The following LDHAL6B variants were observed in gnomAD, a reference collection of about 807,000 sequenced individuals.
LDHAL6B encodes the protein lactate dehydrogenase A like 6B.
For missense variants in LDHAL6B, 523 were observed against 473.9 expected (o/e 1.10, Z -0.96); for synonymous variants, 205 against 170.6 (o/e 1.20, Z -1.57).
chr15:59,206,850 T>G lies in LDHAL6B; in HGVS notation c.-91T>G, dbSNP rs2079837827. The G allele has an allele frequency of 1.5e-6, 2 of 1,357,094 alleles. No homozygotes were observed. Among genetic ancestry groups the G allele is most frequent in the Admixed American group, 2.3e-5 (1 of 43,906 alleles). The allele number at this position is 1,357,094 out of a possible 1,614,324, so 84.1% of individuals were successfully genotyped here. A position where few individuals can be genotyped will look rare whatever the true frequency, so the allele number is the denominator to read the frequency against. On this transcript the variant is annotated 5_prime_UTR_variant, in exon 1 of 1. Coordinates refer to ENST00000307144, the MANE Select transcript of LDHAL6B (RefSeq NM_033195.3). ...GGCACGCGCACCTGCCGTAGAGTGC[T>G]GAAGGTCCTGCCAACGGCTCTCTTG...
chr15:59,208,123 G>C lies in LDHAL6B; in HGVS notation c.*37G>C, dbSNP rs142608055. 5.4e-4 allele frequency: 811 copies of C among 1,515,006 alleles called. 3 individuals are homozygous for C. In the African/African-American group the frequency reaches 9.9e-3, roughly 18 times the overall value. 93.8% of individuals were successfully genotyped at this position (1,515,006 alleles called of 1,614,324 possible). A position where few individuals can be genotyped will look rare whatever the true frequency, so the allele number is the denominator to read the frequency against. ...ACTACCATTCCGAAATTATTGAAGA[G>C]ATCATAGATACAGGATTATATAACG... On this transcript the variant is annotated 3_prime_UTR_variant, in exon 1 of 1. Transcript: ENST00000307144.
rs1344368457 is a variant in LDHAL6B, at chr15:59,206,971, A to T, written c.31A>T (p.Ser11Cys). Residue 11 changes from serine (S) to cysteine (C), a missense_variant, in exon 1 of 1, where the codon AGC becomes TGC. Physicochemically the swap from Ser to Cys is moderately radical, Grantham distance 112. Transcript: ENST00000307144. ...TTGGACTGTGCCTGTTGTGCGGGCC[A>T]GCCAGAGAGTGAGCTCGGTGGGAGC... MSWTVPVVRASQRVSSVGANF... is the reference protein window; with the variant it reads MSWTVPVVRACQRVSSVGANF... 2.5e-6 allele frequency: 4 copies of T among 1,613,894 alleles called. No homozygotes were observed. The African/African-American group carries it at 5.3e-5, about 22-fold the overall frequency.
chr15:59,207,228 A>G lies in LDHAL6B; in HGVS notation c.288A>G (p.Glu96=). 6.2e-7 allele frequency: 1 copy of G among 1,614,160 alleles called. No homozygotes were observed. Among genetic ancestry groups the G allele is most frequent in the Non-Finnish European group, 8.5e-7 (1 of 1,180,022 alleles). Residue 96 remains glutamate, a synonymous_variant, in exon 1 of 1, where the codon GAA becomes GAG. Transcript: ENST00000307144. ...TCTTATTAAAAGGCTTGAGTGATGA[A>G]CTTGCCCTTGTGGATCTTGATGAAG... ...ISILLKGLSD[E]LALVDLDEDK... is the part of the protein sequence containing the mutation.
rs1267578245 is a variant in LDHAL6B, at chr15:59,208,086, A to C, written c.1146A>C (p.Ter382TyrextTer11). The change falls in exon 1 of 1, where the codon TAA becomes TAC. Residue 382 changes from the stop codon to tyrosine (Y), a stop_lost. Coordinates refer to ENST00000307144, the MANE Select transcript of LDHAL6B (RefSeq NM_033195.3). Reference sequence around the variant, plus strand: ...AAATTCAGAATAAGCTTAAGCTTTAAAGTTGCCTAAAACTACCATTCCGAA... The same window carrying C: ...AAATTCAGAATAAGCTTAAGCTTTACAGTTGCCTAAAACTACCATTCCGAA... ...LWEIQNKLKL[*>Y] The C allele has an allele frequency of 1.3e-6, 2 of 1,559,714 alleles. No homozygotes were observed. The highest frequency in any genetic ancestry group is 1.7e-6 in the Non-Finnish European group (2 of 1,160,734).
rs148651064 is a variant in LDHAL6B, at chr15:59,207,056, A to G, written c.116A>G (p.Asn39Ser). The change falls in exon 1 of 1, where the codon AAC (asparagine) becomes AGC (serine). Residue 39 changes from asparagine to serine, a missense_variant. Coordinates refer to ENST00000307144, the MANE Select transcript of LDHAL6B (RefSeq NM_033195.3). The part of the protein sequence containing the change: ...CPRQATRIPL[N>S]GTWLFTPVSK... ...CGTCAAGCAACGCGCATCCCGCTCA[A>G]CGGCACCTGGCTCTTCACCCCCGTG... 195 of 1,614,148 alleles carry G rather than the reference A, an allele frequency of 1.2e-4. No individual in the cohort carries two copies. The highest frequency in any genetic ancestry group is 3.3e-4 in the Middle Eastern group (2 of 6,062).
Position 59,208,113 on chromosome 15 carries a change from T to C in LDHAL6B, c.*27T>C. On this transcript the variant is annotated 3_prime_UTR_variant, in exon 1 of 1. Transcript: ENST00000307144. ...GTTGCCTAAAACTACCATTCCGAAATTATTGAAGAGATCATAGATACAGGA... is the reference window on the plus strand; with the variant it reads ...GTTGCCTAAAACTACCATTCCGAAACTATTGAAGAGATCATAGATACAGGA... 1 of 1,534,522 alleles carries C rather than the reference T, an allele frequency of 6.5e-7. No homozygotes were observed. Among genetic ancestry groups the C allele is most frequent in the South Asian group, 1.3e-5 (1 of 75,764 alleles).
In LDHAL6B at chr15:59,207,751, A is replaced by G. The variant is rs777971428; in HGVS notation, c.811A>G (p.Lys271Glu). 3 of 1,614,182 alleles carry G rather than the reference A, an allele frequency of 1.9e-6. No individual in the cohort carries two copies. The highest frequency in any genetic ancestry group is 2.5e-6 in the Non-Finnish European group (3 of 1,180,004). ...TCTGAACTCTGATATAGGAACTGAT[A>G]AAGATCCTGAGCAATGGAAAAATGT... is the stretch of plus-strand genomic sequence containing the variant. ...KDLNSDIGTDKDPEQWKNVHK... is the reference protein window; with the variant it reads ...KDLNSDIGTDEDPEQWKNVHK... The change falls in exon 1 of 1, where the codon AAA becomes GAA. Residue 271 changes from lysine to glutamate, a missense_variant. Coordinates refer to ENST00000307144, the MANE Select transcript of LDHAL6B (RefSeq NM_033195.3).
Position 59,207,383 on chromosome 15 carries a change from G to A in LDHAL6B, c.443G>A (p.Arg148His), listed in dbSNP as rs767832876. ...SNLVIITAGA[R>H]QEKGETRLNL... ...CTAGTGATTATCACAGCAGGTGCAC[G>A]CCAAGAAAAGGGAGAAACGCGCCTT... Residue 148 changes from arginine to histidine, a missense_variant, in exon 1 of 1, where the codon CGC becomes CAC. Transcript: ENST00000307144. The A allele has an allele frequency of 1.2e-5, 19 of 1,614,010 alleles. No homozygotes were observed. Among genetic ancestry groups the A allele is most frequent in the South Asian group, 9.9e-5 (9 of 91,082 alleles).
chr15:59,207,102 G>C lies in LDHAL6B; in HGVS notation c.162G>C (p.Lys54Asn). The C allele has an allele frequency of 6.2e-7, 1 of 1,614,252 alleles. No homozygotes were observed. Among genetic ancestry groups the C allele is most frequent in the Non-Finnish European group, 8.5e-7 (1 of 1,180,048 alleles). Reference sequence around the variant, plus strand: ...CCGTGAGCAAGATGGCGACTGTGAAGAGTGAGCTTATTGAGCGTTTCACTT... The same window carrying C: ...CCGTGAGCAAGATGGCGACTGTGAACAGTGAGCTTATTGAGCGTTTCACTT... ...FTPVSKMATV[K>N]SELIERFTSE... Residue 54 changes from lysine to asparagine, a missense_variant, in exon 1 of 1, where the codon AAG becomes AAC. Physicochemically the swap from Lys to Asn is moderately conservative, Grantham distance 94 (BLOSUM62 0). Coordinates refer to ENST00000307144, the MANE Select transcript of LDHAL6B (RefSeq NM_033195.3).
rs763906531 is a variant in LDHAL6B, at chr15:59,206,997, G to C, written c.57G>C (p.Ala19=). ...GCCAGAGAGTGAGCTCGGTGGGAGC[G>C]AATTTCCTATGCCTGGGGATGGCCC... ...RASQRVSSVG[A]NFLCLGMALC... The change falls in exon 1 of 1, where the codon GCG becomes GCC. Residue 19 remains alanine (A), a synonymous_variant. Coordinates refer to ENST00000307144, the MANE Select transcript of LDHAL6B (RefSeq NM_033195.3). 4.3e-6 allele frequency: 7 copies of C among 1,613,840 alleles called. No individual in the cohort carries two copies. The highest frequency in any genetic ancestry group is 1.6e-4 in the Middle Eastern group (1 of 6,084).
rs754711270 is a variant in LDHAL6B, at chr15:59,207,565, G to A, written c.625G>A (p.Gly209Arg). Residue 209 changes from glycine (G) to arginine (R), a missense_variant, in exon 1 of 1, where the codon GGA (glycine) becomes AGA (arginine). Transcript: ENST00000307144. ...TGCATTTCCCAAAAACCGTATTATT[G>A]GAAGCGGCTGTAATCTGGATACTGC... ...LSAFPKNRII[G>R]SGCNLDTARF... 6.2e-7 allele frequency: 1 copy of A among 1,614,076 alleles called. No homozygotes were observed. The highest frequency in any genetic ancestry group is 1.7e-5 in the Admixed American group (1 of 60,016).
Position 59,207,028 on chromosome 15 carries a change from C to A in LDHAL6B, c.88C>A (p.Pro30Thr). The change falls in exon 1 of 1, where the codon CCG becomes ACG. Residue 30 changes from proline (P) to threonine (T), a missense_variant. Physicochemically the swap from Pro to Thr is conservative, Grantham distance 38 (BLOSUM62 -1). Coordinates refer to ENST00000307144, the MANE Select transcript of LDHAL6B (RefSeq NM_033195.3). ...NFLCLGMALC[P>T]RQATRIPLNG... ...CCTATGCCTGGGGATGGCCCTGTGTCCGCGTCAAGCAACGCGCATCCCGCT... is the reference window on the plus strand; with the variant it reads ...CCTATGCCTGGGGATGGCCCTGTGTACGCGTCAAGCAACGCGCATCCCGCT... The A allele has an allele frequency of 6.2e-7, 1 of 1,614,230 alleles. No individual in the cohort carries two copies. The highest frequency in any genetic ancestry group is 8.5e-7 in the Non-Finnish European group (1 of 1,180,018).
Position 59,208,308 on chromosome 15 carries a change from G to A in LDHAL6B, c.*222G>A. On this transcript the variant is annotated 3_prime_UTR_variant, in exon 1 of 1. Transcript: ENST00000307144. ...TATTTTTGGTACCTCTGATGTAGCA[G>A]CACTTGCCATGTTATATATATGTAG... 1.8e-6 allele frequency: 1 copy of A among 567,600 alleles called. No individual in the cohort carries two copies. The highest frequency in any genetic ancestry group is 3.1e-6 in the Non-Finnish European group (1 of 319,904). The allele number at this position is 567,600 out of a possible 1,614,324, so 35.2% of individuals were successfully genotyped here.
Position 59,208,286 on chromosome 15 carries a change from T to C in LDHAL6B, c.*200T>C. ...ATACTTATTTACAATTCCTAAGTAT[T>C]TTTGGTACCTCTGATGTAGCAGCAC... On this transcript the variant is annotated 3_prime_UTR_variant, in exon 1 of 1. Transcript: ENST00000307144. 1.7e-6 allele frequency: 1 copy of C among 590,398 alleles called. No individual in the cohort carries two copies. The allele number at this position is 590,398 out of a possible 1,614,324, so 36.6% of individuals were successfully genotyped here.
Position 59,207,830 on chromosome 15 carries a change from C to G in LDHAL6B, c.890C>G (p.Thr297Ser). 6.2e-7 allele frequency: 1 copy of G among 1,614,198 alleles called. No homozygotes were observed. The highest frequency in any genetic ancestry group is 8.5e-7 in the Non-Finnish European group (1 of 1,180,034). Residue 297 changes from threonine (T) to serine (S), a missense_variant, in exon 1 of 1, where the codon ACT (threonine) becomes AGT (serine). Coordinates refer to ENST00000307144, the MANE Select transcript of LDHAL6B (RefSeq NM_033195.3). ...GAGATTATTAAAATGAAAGGTTATACTTCTTGGGCCATTGGCCTATCTGTG... is the reference window on the plus strand; with the variant it reads ...GAGATTATTAAAATGAAAGGTTATAGTTCTTGGGCCATTGGCCTATCTGTG... ...AYEIIKMKGYTSWAIGLSVAD... is the reference protein window; with the variant it reads ...AYEIIKMKGYSSWAIGLSVAD...
chr15:59,207,329 A>C lies in LDHAL6B; in HGVS notation c.389A>C (p.Lys130Thr). The change falls in exon 1 of 1, where the codon AAA (lysine) becomes ACA (threonine). Residue 130 changes from lysine (K) to threonine (T), a missense_variant. By Grantham distance (78) the Lys-to-Thr change is moderately conservative (BLOSUM62 -1). Coordinates refer to ENST00000307144, the MANE Select transcript of LDHAL6B (RefSeq NM_033195.3). ...FTKMPNIVCS[K>T]DYFVTANSNL... ...AAAATGCCAAATATTGTTTGTAGCA[A>C]AGATTACTTTGTCACAGCAAACTCC... 6.2e-7 allele frequency: 1 copy of C among 1,614,102 alleles called. No homozygotes were observed. The highest frequency in any genetic ancestry group is 8.5e-7 in the Non-Finnish European group (1 of 1,179,952).
At position 59,207,433 on chromosome 15, in the gene LDHAL6B, A is replaced by G; in HGVS notation, c.493A>G (p.Ile165Val). 1.2e-6 allele frequency: 2 copies of G among 1,614,086 alleles called. No individual in the cohort carries two copies. Among genetic ancestry groups the G allele is most frequent in the Non-Finnish European group, 1.7e-6 (2 of 1,179,918 alleles). ...TAATTTAGTCCAGCGAAATGTGGCCATCTTCAAGTTAATGATTTCCAGTAT... is the reference window on the plus strand; with the variant it reads ...TAATTTAGTCCAGCGAAATGTGGCCGTCTTCAAGTTAATGATTTCCAGTAT... ...RLNLVQRNVAIFKLMISSIVQ... is the reference protein window; with the variant it reads ...RLNLVQRNVAVFKLMISSIVQ... The change falls in exon 1 of 1, where the codon ATC becomes GTC. Residue 165 changes from isoleucine (I) to valine (V), a missense_variant. Coordinates refer to ENST00000307144, the MANE Select transcript of LDHAL6B (RefSeq NM_033195.3).
At position 59,208,132 on chromosome 15, in the gene LDHAL6B, T is replaced by C; in HGVS notation, c.*46T>C. ...CCGAAATTATTGAAGAGATCATAGA[T>C]ACAGGATTATATAACGAAATTTTGA... On this transcript the variant is annotated 3_prime_UTR_variant, in exon 1 of 1. Transcript: ENST00000307144. 6.7e-7 allele frequency: 1 copy of C among 1,489,488 alleles called. No individual in the cohort carries two copies. The highest frequency in any genetic ancestry group is 9.0e-7 in the Non-Finnish European group (1 of 1,111,580). The allele number at this position is 1,489,488 out of a possible 1,614,324, so 92.3% of individuals were successfully genotyped here.
chr15:59,208,135 A>C lies in LDHAL6B; in HGVS notation c.*49A>C. 1 of 1,471,608 alleles carries C rather than the reference A, an allele frequency of 6.8e-7. No homozygotes were observed. Among genetic ancestry groups the C allele is most frequent in the Non-Finnish European group, 9.1e-7 (1 of 1,100,578 alleles). 91.2% of individuals were successfully genotyped at this position (1,471,608 alleles called of 1,614,324 possible). ...AAATTATTGAAGAGATCATAGATAC[A>C]GGATTATATAACGAAATTTTGAATA... On this transcript the variant is annotated 3_prime_UTR_variant, in exon 1 of 1. Coordinates refer to ENST00000307144, the MANE Select transcript of LDHAL6B (RefSeq NM_033195.3).
Sources: gnomAD v4.1 joint callset for allele counts on GRCh38, gnomAD v4.1.1 for gene constraint, MANE v1.5 for transcripts, NCBI Gene and HGNC (gene_info 2026-07-23, HGNC 2026-07-21) for gene names.